The following MED27 variants were observed in gnomAD, a reference collection of about 807,000 sequenced individuals.
The protein encoded by MED27 is mediator complex subunit 27, also known as mediator of RNA polymerase II transcription subunit 27.
A neutral mutation model predicts 38.2 loss-of-function variants in MED27; 30 were observed. That is an observed-to-expected ratio of 0.79 (90% CI 0.59 to 1.07). The LOEUF is 1.07. MED27 is among the 50% of genes least tolerant of loss of function. MED27 has a pLI of 0.00. For synonymous variants in MED27, 122 were observed against 153.5 expected, an observed-to-expected ratio of 0.79 and a Z score of 1.52; for missense variants, 289 against 397.5, an observed-to-expected ratio of 0.73 and a Z score of 2.32.
At chr9:131,979,831 A>ACGGCTGGCTGGC (rs112831376) in intron 3 of MED27, among the ~76,000 whole-genome samples, 1 of 150,404 alleles carries the variant, frequency 6.6e-6, no homozygotes, top group Non-Finnish European at 1.5e-5. Flanking sequence ...TGAAAACAAG[A>ACGGCTGGCTGGC]TGGCTGGCTG....
At chr9:131,943,253 T>C (rs1373448490) in intron 3 of MED27, among the ~76,000 whole-genome samples, 1 of 152,132 alleles carries the variant, frequency 6.6e-6, no homozygotes, top group Non-Finnish European at 1.5e-5. Context: ...ATCAAAACAT[T>C]TCATTTTCAA....
intron 3 of MED27, among the ~76,000 whole-genome samples, chr9:131,984,465 G>C (rs1831807362): frequency 6.6e-6 from 1 of 152,120 alleles, no homozygotes; most frequent in South Asian, 2.1e-4. Flanking sequence ...GCAGTCACCA[G>C]AACAAACAGG....
At chr9:132,013,789 T>G (rs2131075937) in intron 3 of MED27, among the ~76,000 whole-genome samples, 1 of 152,218 alleles carries the variant, frequency 6.6e-6, no homozygotes, top group South Asian at 2.1e-4. Flanking sequence ...AAATCCTAGG[T>G]GGAAAAGTCA....
intron 2 of MED27, among the ~76,000 whole-genome samples, chr9:132,068,835 G>A (rs1014196477): frequency 6.6e-6 from 1 of 152,154 alleles, no homozygotes; most frequent in African/African-American, 2.4e-5. Context: ...TGGTGATGGA[G>A]TTAGATGTCA....
intron 4 of MED27, among the ~76,000 whole-genome samples, chr9:131,930,441 G>A (rs151029124): frequency 6.6e-6 from 1 of 152,280 alleles, no homozygotes; most frequent in East Asian, 1.9e-4. Flanking sequence ...AACCTTACAG[G>A]CCAGGAGAGA....
At chr9:132,050,046 T>C (rs967909092) in intron 2 of MED27, among the ~76,000 whole-genome samples, 45 of 152,148 alleles carry the variant, frequency 3.0e-4, no homozygotes, top group African/African-American at 1.1e-3. Flanking sequence ...TCATACTTAT[T>C]ACCAACTCAA....
intron 2 of MED27, among the ~76,000 whole-genome samples, chr9:132,049,783 C>T (rs187778626): frequency 1.3e-5 from 2 of 152,210 alleles, no homozygotes; most frequent in Admixed American, 6.5e-5. Context: ...TCCCAGAAGC[C>T]CACATCACCC....
chr9:131,906,953 C>G (rs1375220956), intron 4 of MED27, among the ~76,000 whole-genome samples: 1 of 152,154 alleles, frequency 6.6e-6, no homozygotes, highest in African/African-American at 2.4e-5. Context: ...GGTTAACTTC[C>G]TGACATTGCC....
At chr9:131,940,380 A>G (rs1830765128) in intron 3 of MED27, among the ~76,000 whole-genome samples, 1 of 151,964 alleles carries the variant, frequency 6.6e-6, no homozygotes, top group Admixed American at 6.6e-5. Flanking sequence ...ATTTACTTAT[A>G]CAGCTTTCTG....
chr9:132,031,122 T>C (rs1013428642), intron 2 of MED27, among the ~76,000 whole-genome samples: 5 of 152,228 alleles, frequency 3.3e-5, no homozygotes, highest in African/African-American at 9.6e-5. Context: ...ACAGATGGAC[T>C]GGTTAAATCT....
intron 3 of MED27, among the ~76,000 whole-genome samples, chr9:131,947,880 G>A (rs1830914290): frequency 6.6e-6 from 1 of 152,136 alleles, no homozygotes; most frequent in Non-Finnish European, 1.5e-5. Flanking sequence ...TGGGGAAAAG[G>A]GTAATGCCCA....
At chr9:132,038,582 G>A (rs960513561) in intron 2 of MED27, among the ~76,000 whole-genome samples, 2 of 152,202 alleles carry the variant, frequency 1.3e-5, no homozygotes, top group South Asian at 2.1e-4. Context: ...AAAATATACA[G>A]TATATTAGAA....
intron 6 of MED27, among the ~76,000 whole-genome samples, chr9:131,868,320 C>A (rs1195548034): frequency 2.0e-5 from 3 of 152,236 alleles, no homozygotes; most frequent in Non-Finnish European, 4.4e-5. Flanking sequence ...GCTCTGTCGC[C>A]TAGGCTGGAG....
intron 3 of MED27, among the ~76,000 whole-genome samples, chr9:131,999,450 A>T (rs943073521): frequency 1.3e-5 from 2 of 152,194 alleles, no homozygotes; most frequent in African/African-American, 4.8e-5. Context: ...CTAAGGGACA[A>T]AGATGAACAG....
chr9:132,047,702 T>C (rs1318580981), intron 2 of MED27, among the ~76,000 whole-genome samples: 1 of 152,218 alleles, frequency 6.6e-6, no homozygotes, highest in Non-Finnish European at 1.5e-5. Context: ...TGAGAAATTA[T>C]AGTGCATGCC....
intron 2 of MED27, among the ~76,000 whole-genome samples, chr9:132,053,576 C>T (rs1210462197): frequency 2.6e-5 from 4 of 152,200 alleles, no homozygotes; most frequent in Admixed American, 2.0e-4. Context: ...TCCCGTTTCA[C>T]AAGAGAAAAT....
Position 131,889,523 on chromosome 9 carries a change from G to A in MED27, c.681+4362C>T, listed in dbSNP as rs563757834. ...AGTACAATGAATAAGTGGTTGGTAA[G>A]TCTGAAAAGCATTTTTATTTTATTA... On this transcript the variant is annotated intron_variant, in intron 5 of 7. Transcript: ENST00000292035. The surrounding 1 kb of genome is among the most constrained non-coding windows in gnomAD (Gnocchi z 4.2). Among the ~76,000 whole-genome samples, 180 of 152,290 alleles carry A rather than the reference G, an allele frequency of 1.2e-3. 2 individuals are homozygous for A. Among genetic ancestry groups the A allele is most frequent in the Non-Finnish European group, 1.2e-3 (83 of 68,026 alleles).
chr9:131,936,875 C>T (rs536785957), intron 4 of MED27, among the ~76,000 whole-genome samples: 21 of 152,334 alleles, frequency 1.4e-4, no homozygotes, highest in Non-Finnish European at 1.5e-4. Flanking sequence ...AGGCACAGTT[C>T]GTACATTTGC....
At chr9:132,026,776 T>TA (rs977839875) in intron 2 of MED27, among the ~76,000 whole-genome samples, 53 of 150,220 alleles carry the variant, frequency 3.5e-4, no homozygotes, top group South Asian at 6.3e-4. Context: ...GGCCTATCAA[T>TA]AAAAAAAAAA....
Sources: gnomAD v4.1 joint callset for allele counts (sites outside exome capture counted in the v4.1 genomes callset) on GRCh38, gnomAD v4.1.1 for gene constraint, Gnocchi (gnomAD v3.1) non-coding constraint, MANE v1.5 for transcripts, NCBI Gene and HGNC (gene_info 2026-07-23, HGNC 2026-07-21) for gene names.